Variants in NEURL1 observed in about 807,000 individuals in gnomAD.
The protein encoded by NEURL1 is E3 ubiquitin-protein ligase NEURL1.
NEURL1 carries 26 observed loss-of-function variants against 41.2 expected under a neutral mutation model. The ratio of observed to expected loss-of-function variants is 0.63; its 90% CI spans 0.46 to 0.87. NEURL1 has a LOEUF of 0.87. Among genes scored for constraint, NEURL1 ranks in the 40% least tolerant of loss-of-function variants. The pLI is 0.00. For synonymous variants in NEURL1, 400 were observed against 402.3 expected, an observed-to-expected ratio of 0.99 and a Z score of 0.07; for missense variants, 761 against 871.1, an observed-to-expected ratio of 0.87 and a Z score of 1.59.
intron 1 of NEURL1, among the ~76,000 whole-genome samples, chr10:103,563,211 C>T (rs1053197783): frequency 2.6e-5 from 4 of 152,164 alleles, no homozygotes; most frequent in African/African-American, 9.7e-5. Flanking sequence ...TAAAAAAGAC[C>T]TTATGTTGCG....
chr10:103,574,319 T>G (rs2035612445), intron 3 of NEURL1, among the ~76,000 whole-genome samples: 1 of 152,180 alleles, frequency 6.6e-6, no homozygotes, highest in South Asian at 2.1e-4. Context: ...ATGCCTTCCA[T>G]CTGCCGAGAT....
chr10:103,501,387 G>T (rs1216415216), intron 1 of NEURL1, among the ~76,000 whole-genome samples: 6 of 152,036 alleles, frequency 3.9e-5, no homozygotes, highest in Non-Finnish European at 5.9e-5. Context: ...AGGGCTGGGC[G>T]TGACAGCCAA....
chr10:103,547,964 C>A (rs1217110680), intron 1 of NEURL1, among the ~76,000 whole-genome samples: 2 of 152,118 alleles, frequency 1.3e-5, no homozygotes, highest in African/African-American at 4.8e-5. Flanking sequence ...CCCATAAAGT[C>A]TCGTTGCCTG....
intron 1 of NEURL1, chr10:103,550,479 C>G (rs1208463777): frequency 6.6e-6 from 1 of 152,296 alleles, no homozygotes; most frequent in African/African-American, 2.4e-5. Context: ...TAAGTCCCCA[C>G]CCAGGTCATA....
Position 103,585,212 on chromosome 10 carries a change from G to A in NEURL1, c.1326G>A (p.Gln442=). Residue 442 remains glutamine (Q), a synonymous_variant, in exon 4 of 6, where the codon CAG becomes CAA. Transcript: ENST00000369780. ...TCGGCCTGCACGGGACCATCACGCAGATCCGCATCCTCGGTGAGTGCCCGC... is the reference window on the plus strand; with the variant it reads ...TCGGCCTGCACGGGACCATCACGCAAATCCGCATCCTCGGTGAGTGCCCGC... ...MLFGLHGTIT[Q]IRILGSTILA... is the part of the protein sequence containing the mutation. 1 of 1,542,614 alleles carries A rather than the reference G, an allele frequency of 6.5e-7. No homozygotes were observed. Among genetic ancestry groups the A allele is most frequent in the Non-Finnish European group, 8.7e-7 (1 of 1,146,488 alleles).
chr10:103,577,278 A>C (rs530137149), intron 3 of NEURL1, among the ~76,000 whole-genome samples: 3 of 152,242 alleles, frequency 2.0e-5, no homozygotes, highest in African/African-American at 7.2e-5. Context: ...CCCCTCCATT[A>C]GGAAGCTTTC....
chr10:103,581,733 T>C (rs1205719358), intron 3 of NEURL1, among the ~76,000 whole-genome samples: 1 of 152,198 alleles, frequency 6.6e-6, no homozygotes, highest in Non-Finnish European at 1.5e-5. Context: ...AGCTGGTTGG[T>C]GCACATCTAG....
In NEURL1 at chr10:103,590,154, G is replaced by GT; in HGVS notation, c.1508dup (p.Ser504GlufsTer17). The GT allele has an allele frequency of 1.9e-6, 3 of 1,614,068 alleles. No homozygotes were observed. The highest frequency in any genetic ancestry group is 2.5e-6 in the Non-Finnish European group (3 of 1,180,044). ...CTCAGGGACAGCCCCCAATTCGCCA[G>GT]TGAGCCTGCCCGAGTCGCCAGTGAC... On this transcript the variant is annotated frameshift_variant, in exon 6 of 6. Transcript: ENST00000369780. LOFTEE classifies it high-confidence loss of function.
chr10:103,574,544 A>C (rs1282894443), intron 3 of NEURL1, among the ~76,000 whole-genome samples: 1 of 152,232 alleles, frequency 6.6e-6, no homozygotes, highest in Non-Finnish European at 1.5e-5. Context: ...AAAAGGAGGC[A>C]GGAAGTCAGA....
At chr10:103,570,727 T>C in intron 1 of NEURL1, 145 bp from the exon 2 acceptor site, 1 of 1,340,552 alleles carries the variant, frequency 7.5e-7, no homozygotes, top group Non-Finnish European at 1.0e-6. Flanking sequence ...GGCAGAAGGA[T>C]GGTGGCAAGG....
At chr10:103,560,306 A>G (rs1264986348) in intron 1 of NEURL1, among the ~76,000 whole-genome samples, 1 of 152,190 alleles carries the variant, frequency 6.6e-6, no homozygotes, top group East Asian at 1.9e-4. Flanking sequence ...AGCCCTGAAG[A>G]ATTAACATTT....
chr10:103,509,828 T>C (rs1263652879), intron 1 of NEURL1, among the ~76,000 whole-genome samples: 1 of 152,156 alleles, frequency 6.6e-6, no homozygotes, highest in East Asian at 1.9e-4. Context: ...TTTGGGCTGA[T>C]CTTGAGGCTC....
chr10:103,498,340 C>T (rs1229107109), intron 1 of NEURL1, among the ~76,000 whole-genome samples: 2 of 152,336 alleles, frequency 1.3e-5, no homozygotes, highest in African/African-American at 4.8e-5. Context: ...CCTTCTCCCG[C>T]CTCAGCCTCC....
intron 1 of NEURL1, among the ~76,000 whole-genome samples, chr10:103,540,528 G>A (rs1268991853): frequency 6.6e-6 from 1 of 152,146 alleles, no homozygotes; most frequent in East Asian, 1.9e-4. Context: ...GTCCTCAAGT[G>A]ATCTGCTCAC....
At chr10:103,498,313 C>T (rs2986046) in intron 1 of NEURL1, among the ~76,000 whole-genome samples, 121,051 of 152,132 alleles carry the variant, frequency 0.8, 48,391 homozygotes, top group East Asian at 1. Context: ...CTGCAAGCTC[C>T]GCCTCCCGGG....
intron 1 of NEURL1, among the ~76,000 whole-genome samples, chr10:103,503,770 A>G (rs903059289): frequency 6.8e-6 from 1 of 147,194 alleles, no homozygotes; most frequent in Non-Finnish European, 1.5e-5. Flanking sequence ...GCTAGAGCTC[A>G]TGCTGTGCTC....
intron 1 of NEURL1, among the ~76,000 whole-genome samples, chr10:103,501,710 G>A (rs2033829031): frequency 6.6e-6 from 1 of 151,576 alleles, no homozygotes; most frequent in South Asian, 2.1e-4. Context: ...TCAGCTCACT[G>A]CAACCTCTGC....
intron 1 of NEURL1, among the ~76,000 whole-genome samples, chr10:103,520,808 C>G (rs2034331825): frequency 6.6e-6 from 1 of 152,064 alleles, no homozygotes. Context: ...AGAGATTAAG[C>G]TGACGGAAGA....
chr10:103,577,623 G>C (rs951397640), intron 3 of NEURL1: 1 of 152,210 alleles, frequency 6.6e-6, no homozygotes, highest in Non-Finnish European at 1.5e-5. Flanking sequence ...CGACAAGAGC[G>C]GGGACAGTGG....
Sources: gnomAD v4.1 joint callset for allele counts (sites outside exome capture counted in the v4.1 genomes callset) on GRCh38, gnomAD v4.1.1 for gene constraint, MANE v1.5 for transcripts, NCBI Gene and HGNC (gene_info 2026-07-23, HGNC 2026-07-21) for gene names.